The following ABTB3 variants were observed in gnomAD, a reference collection of about 807,000 sequenced individuals.
ABTB3 encodes ankyrin repeat and BTB domain containing 3, also known as ankyrin repeat- and BTB/POZ domain-containing protein 3.
At chr12:107,479,374 C>T in the ABTB3 span, among the ~76,000 whole-genome samples, 2 of 151,932 alleles carry the variant, frequency 1.3e-5, no homozygotes, top group African/African-American at 2.4e-5. Flanking sequence ...GGGATTGAAT[C>T]CCAGCTCAGC....
At chr12:107,584,299 C>A in the ABTB3 span, among the ~76,000 whole-genome samples, 51 of 152,350 alleles carry the variant, frequency 3.3e-4, no homozygotes, top group African/African-American at 1.2e-3. Flanking sequence ...ACATAGCTGT[C>A]CCCAACAACT....
the ABTB3 span, among the ~76,000 whole-genome samples, chr12:107,334,408 G>A: frequency 6.6e-6 from 1 of 152,126 alleles, no homozygotes; most frequent in African/African-American, 2.4e-5. Flanking sequence ...GGGGTGTGAG[G>A]GAATGAGGGG....
chr12:107,469,203 C>T, the ABTB3 span, among the ~76,000 whole-genome samples: 1 of 152,198 alleles, frequency 6.6e-6, no homozygotes, highest in Non-Finnish European at 1.5e-5. Context: ...ACATCTGCTT[C>T]TGATGGGACC....
the ABTB3 span, among the ~76,000 whole-genome samples, chr12:107,336,863 T>A: frequency 1.3e-5 from 2 of 152,216 alleles, no homozygotes; most frequent in Admixed American, 6.5e-5. Flanking sequence ...GAATAAATAT[T>A]TGCAGCCTGT....
chr12:107,396,996 A>G, the ABTB3 span, among the ~76,000 whole-genome samples: 2 of 152,222 alleles, frequency 1.3e-5, no homozygotes, highest in Non-Finnish European at 1.5e-5. Context: ...AAATCCATCC[A>G]TGTGAGAGCA....
chr12:107,608,368 G>A, the ABTB3 span, among the ~76,000 whole-genome samples: 48 of 152,200 alleles, frequency 3.2e-4, no homozygotes, highest in African/African-American at 1.1e-3. Context: ...CTCCTCTCAC[G>A]GCTTTTAAGG....
the ABTB3 span, among the ~76,000 whole-genome samples, chr12:107,600,019 G>A: frequency 1.3e-5 from 2 of 152,170 alleles, no homozygotes; most frequent in African/African-American, 2.4e-5. Context: ...CTTGAGCCTG[G>A]ACTTTGGAAT....
chr12:107,513,620 G>A, the ABTB3 span, among the ~76,000 whole-genome samples: 13 of 152,112 alleles, frequency 8.5e-5, no homozygotes, highest in African/African-American at 2.7e-4. Flanking sequence ...ACCCAGTCTC[G>A]GGTATTTCCT....
At chr12:107,483,331 A>AC in the ABTB3 span, among the ~76,000 whole-genome samples, 1 of 152,122 alleles carries the variant, frequency 6.6e-6, no homozygotes, top group Admixed American at 6.5e-5. Flanking sequence ...GGCATGAGCC[A>AC]CCGTGCCCAG....
chr12:107,613,414 C>T, the ABTB3 span, among the ~76,000 whole-genome samples: 22 of 152,292 alleles, frequency 1.4e-4, no homozygotes, highest in East Asian at 3.9e-3. Context: ...ACAATGTGGT[C>T]TGGTGGAAAG....
At chr12:107,631,795 C>T in the ABTB3 span, among the ~76,000 whole-genome samples, 10 of 152,104 alleles carry the variant, frequency 6.6e-5, no homozygotes, top group African/African-American at 2.4e-4. Flanking sequence ...AGAAAGACAC[C>T]TTATCAAGGG....
At chr12:107,522,106 G>T in the ABTB3 span, among the ~76,000 whole-genome samples, 1 of 151,964 alleles carries the variant, frequency 6.6e-6, no homozygotes, top group African/African-American at 2.4e-5. Context: ...CTCGCAGGGT[G>T]GTGGGGTGGG....
At chr12:107,565,954 G>T in the ABTB3 span, among the ~76,000 whole-genome samples, 4 of 152,156 alleles carry the variant, frequency 2.6e-5, no homozygotes, top group African/African-American at 9.7e-5. Context: ...TAGCCCTTTT[G>T]ATTTTCCTTT....
the ABTB3 span, among the ~76,000 whole-genome samples, chr12:107,556,079 G>C: frequency 6.6e-6 from 1 of 151,878 alleles, no homozygotes; most frequent in African/African-American, 2.4e-5. Flanking sequence ...AGAATCTTAT[G>C]AGTCTGTCAG....
the ABTB3 span, among the ~76,000 whole-genome samples, chr12:107,336,234 T>C: frequency 6.6e-6 from 1 of 152,220 alleles, no homozygotes; most frequent in Non-Finnish European, 1.5e-5. Flanking sequence ...AGGTCTGAGG[T>C]TGAAAACAGA....
chr12:107,657,312 G>A, the ABTB3 span, among the ~76,000 whole-genome samples: 2 of 152,212 alleles, frequency 1.3e-5, no homozygotes, highest in Non-Finnish European at 2.9e-5. Context: ...CAAGGCCAAG[G>A]AGTGGAGGAA....
the ABTB3 span, among the ~76,000 whole-genome samples, chr12:107,655,609 G>T: frequency 1.3e-5 from 2 of 152,240 alleles, no homozygotes; most frequent in Non-Finnish European, 2.9e-5. Context: ...GCGTTTAGAT[G>T]CTAAGAGCCA....
chr12:107,394,131 C>A, the ABTB3 span, among the ~76,000 whole-genome samples: 1 of 152,184 alleles, frequency 6.6e-6, no homozygotes, highest in Non-Finnish European at 1.5e-5. Context: ...CCCCATCAAT[C>A]ATCACCCAAA....
the ABTB3 span, among the ~76,000 whole-genome samples, chr12:107,434,721 G>A: frequency 6.6e-6 from 1 of 151,964 alleles, no homozygotes; most frequent in Non-Finnish European, 1.5e-5. Context: ...AAAATTAGCA[G>A]GTCATGGTGG....
Sources: allele counts gnomAD v4.1 joint callset (sites outside exome capture counted in the v4.1 genomes callset), GRCh38; gene constraint gnomAD v4.1.1; transcripts MANE v1.5; gene names NCBI Gene and HGNC (gene_info 2026-07-23, HGNC 2026-07-21).